The following IQGAP2 variants were observed in gnomAD, a reference collection of about 807,000 sequenced individuals.
IQGAP2 encodes IQ motif containing GTPase activating protein 2, also known as ras GTPase-activating-like protein IQGAP2.
IQGAP2 carries 173 observed loss-of-function variants against 201.3 expected under a neutral mutation model. The ratio of observed to expected loss-of-function variants is 0.86; its 90% CI spans 0.76 to 0.98. IQGAP2 has a LOEUF of 0.98. Ranked by LOEUF, IQGAP2 falls within the 50% of genes least tolerant of loss-of-function variation. The pLI is 0.00. For synonymous variants in IQGAP2, 675 were observed against 673.9 expected (o/e 1.00, Z -0.03); for missense variants, 1,687 against 1,864.8 (o/e 0.90, Z 1.76).
intron 20 of IQGAP2, among the ~76,000 whole-genome samples, chr5:76,655,673 C>A (rs1752855290): frequency 6.6e-6 from 1 of 152,124 alleles, no homozygotes; most frequent in East Asian, 1.9e-4. Context: ...GGTCTTGAAC[C>A]CCTGACCTCA....
Position 76,606,130 on chromosome 5 carries a change from G to A in IQGAP2, c.1233-49G>A, listed in dbSNP as rs559784559. On this transcript the variant is annotated intron_variant, in intron 11 of 35. Coordinates refer to ENST00000274364, the MANE Select transcript of IQGAP2 (RefSeq NM_006633.5). ...GTCATAGTTGAGAAACAACAGGAAC[G>A]AAGAATGAATGTCTCTAATTAACAT... 311 of 1,510,572 alleles carry A rather than the reference G, an allele frequency of 2.1e-4. 6 individuals carry two copies. The South Asian group carries it at 3.8e-3, about 18-fold the overall frequency. The allele number at this position is 1,510,572 out of a possible 1,614,324, so 93.6% of individuals were successfully genotyped here.
At chr5:76,626,541 G>T (rs1271930088) in intron 13 of IQGAP2, among the ~76,000 whole-genome samples, 3 of 152,034 alleles carry the variant, frequency 2.0e-5, no homozygotes, top group Non-Finnish European at 4.4e-5. Context: ...AAAGTGCTGG[G>T]ATTACAGGTG....
chr5:76,601,341 G>T (rs1747415575), intron 11 of IQGAP2, among the ~76,000 whole-genome samples: 1 of 152,220 alleles, frequency 6.6e-6, no homozygotes, highest in African/African-American at 2.4e-5. Context: ...ATTCTTTTAT[G>T]TCACTGATGC....
At chr5:76,647,206 C>T (rs1006790337) in intron 17 of IQGAP2, among the ~76,000 whole-genome samples, 2 of 152,150 alleles carry the variant, frequency 1.3e-5, no homozygotes, top group African/African-American at 2.4e-5. Flanking sequence ...TATAAACAAA[C>T]ATAACACTCT....
chr5:76,673,534 A>T lies in IQGAP2; in HGVS notation c.3154A>T (p.Arg1052Ter). The change falls in exon 25 of 36, where the codon AGA (arginine) becomes TGA (stop). Residue 1052 changes from arginine (R) to a stop codon, truncating the protein, a stop_gained. Coordinates refer to ENST00000274364, the MANE Select transcript of IQGAP2 (RefSeq NM_006633.5). LOFTEE classifies it high-confidence loss of function. ...ACTGGAGGCTTCCATTGAGAACCTG[A>T]GAAGGGTCACCGACAAAGTCCTGAA... ...NKLEASIENL[R>*]RVTDKVLNSI... 1 of 1,614,082 alleles carries T rather than the reference A, an allele frequency of 6.2e-7. No homozygotes were observed. Among genetic ancestry groups the T allele is most frequent in the Non-Finnish European group, 8.5e-7 (1 of 1,179,942 alleles).
At chr5:76,462,187 C>G (rs1320818413) in intron 2 of IQGAP2, among the ~76,000 whole-genome samples, 2 of 152,148 alleles carry the variant, frequency 1.3e-5, no homozygotes, top group African/African-American at 4.8e-5. Flanking sequence ...TGTAGAGGAG[C>G]AACAATGACT....
In IQGAP2 at chr5:76,698,107, G is replaced by A; in HGVS notation, c.4327G>A (p.Asp1443Asn). 6.2e-7 allele frequency: 1 copy of A among 1,608,910 alleles called. No individual in the cohort carries two copies. The highest frequency in any genetic ancestry group is 2.2e-5 in the East Asian group (1 of 44,762). ...AFYEEQINYY[D>N]TYIKTCLDNL... The stretch of plus-strand genomic sequence containing the variant: ...TTATGAAGAGCAAATCAATTATTAT[G>A]ACACCTACATAAAGACTTGTTTAGA... The change falls in exon 33 of 36, where the codon GAC becomes AAC. Residue 1443 changes from aspartate to asparagine, a missense_variant. Asp to Asn is a conservative substitution (Grantham distance 23). Transcript: ENST00000274364.
intron 1 of IQGAP2, among the ~76,000 whole-genome samples, chr5:76,410,914 A>G (rs1751071391): frequency 6.6e-6 from 1 of 152,164 alleles, no homozygotes; most frequent in South Asian, 2.1e-4. Context: ...CTTTAATTTT[A>G]TAATCGTGTA....
intron 1 of IQGAP2, among the ~76,000 whole-genome samples, chr5:76,409,084 C>T (rs961258328): frequency 3.3e-5 from 5 of 150,978 alleles, no homozygotes; most frequent in African/African-American, 1.2e-4. Context: ...TGAGCCACCA[C>T]GCCCAGTGAG....
chr5:76,562,365 C>T (rs1450272901), intron 2 of IQGAP2, 31 bp from the exon 3 acceptor site: 1 of 1,534,986 alleles, frequency 6.5e-7, no homozygotes, highest in South Asian at 1.2e-5. Flanking sequence ...CAACTGGAAT[C>T]ACTTTAATAT....
chr5:76,550,744 T>C (rs1043553925), intron 2 of IQGAP2, among the ~76,000 whole-genome samples: 1 of 152,244 alleles, frequency 6.6e-6, no homozygotes, highest in African/African-American at 2.4e-5. Context: ...GTCTCCCATG[T>C]CTACTTCTTT....
intron 2 of IQGAP2, 121 bp from the exon 3 acceptor site, chr5:76,562,275 A>T (rs1744429029): frequency 4.3e-6 from 3 of 700,928 alleles, no homozygotes; most frequent in Non-Finnish European, 7.1e-6. Context: ...AGTGACACCG[A>T]AAGATGTTTC....
rs562296965 is a variant in IQGAP2 at position 76,447,561 on chromosome 5, A to T, written c.47-14009A>T. ...AGAATCGGTGGGTCTAGGGTCTTGAATAAGATGCTTCTTCCCAGGAATGAT... is the reference window on the plus strand; with the variant it reads ...AGAATCGGTGGGTCTAGGGTCTTGATTAAGATGCTTCTTCCCAGGAATGAT... On this transcript the variant is annotated intron_variant, in intron 1 of 35. Transcript: ENST00000274364. 3.5e-4 allele frequency among the ~76,000 whole-genome samples: 53 copies of T among 152,352 alleles called. No homozygotes were observed. In the South Asian group the frequency reaches 0.01, roughly 29 times the overall value.
intron 2 of IQGAP2, among the ~76,000 whole-genome samples, chr5:76,550,899 A>G (rs913790980): frequency 1.3e-5 from 2 of 152,052 alleles, no homozygotes; most frequent in Admixed American, 1.3e-4. Context: ...GGCCGGGCAG[A>G]GGGGCTCCTC....
intron 9 of IQGAP2, 103 bp downstream of exon 9, chr5:76,593,028 C>A: frequency 1.3e-6 from 1 of 796,874 alleles, no homozygotes. Context: ...TGGAAAACTG[C>A]CTTATACAAT....
At chr5:76,566,762 G>A (rs1235235311) in intron 3 of IQGAP2, among the ~76,000 whole-genome samples, 8 of 152,040 alleles carry the variant, frequency 5.3e-5, no homozygotes, top group African/African-American at 1.9e-4. Context: ...ACCAAGGGTG[G>A]ATCCTGAAAA....
chr5:76,673,806 A>G, intron 25 of IQGAP2, 146 bp from the exon 26 acceptor site: 1 of 678,980 alleles, frequency 1.5e-6, no homozygotes, highest in Non-Finnish European at 2.5e-6. Context: ...CATCAGTGGA[A>G]GTCCTGTGAT....
chr5:76,570,260 C>T (rs1055563729), intron 3 of IQGAP2, among the ~76,000 whole-genome samples: 2 of 152,134 alleles, frequency 1.3e-5, no homozygotes, highest in African/African-American at 2.4e-5. Flanking sequence ...TGTGTATGTG[C>T]GTACACACCC....
At chr5:76,671,616 AGGTGG>A (rs1049364313) in intron 23 of IQGAP2, 138 bp from the exon 24 acceptor site, 3 of 581,464 alleles carry the variant, frequency 5.2e-6, no homozygotes, top group Non-Finnish European at 9.1e-6. Flanking sequence ...TGAACCTGGG[AGGTGG>A]AGGTTGCAGT....
Sources: gnomAD v4.1 joint callset for allele counts (sites outside exome capture counted in the v4.1 genomes callset) on GRCh38, gnomAD v4.1.1 for gene constraint, MANE v1.5 for transcripts, NCBI Gene and HGNC (gene_info 2026-07-23, HGNC 2026-07-21) for gene names.